PRKCG: variants seen among roughly 807,000 people sequenced by gnomAD.
The protein encoded by PRKCG is protein kinase C gamma type.
PRKCG carries 28 observed loss-of-function variants against 82.0 expected under a neutral mutation model. The observed-to-expected ratio is 0.34, with a 90% CI of 0.25 to 0.47. The LOEUF (loss-of-function observed/expected upper bound fraction) is 0.47, where lower values mean the gene tolerates loss of function less well. Among genes scored for constraint, PRKCG ranks in the 20% least tolerant of loss-of-function variants. The pLI, the probability that PRKCG is intolerant of heterozygous loss-of-function variation, is 1.00. For synonymous variants in PRKCG, 383 were observed against 376.6 expected (o/e 1.02, Z -0.20); for missense variants, 640 against 952.7 (o/e 0.67, Z 4.32).
chr19:53,891,768 G>A lies in PRKCG; in HGVS notation c.624G>A (p.Thr208=), dbSNP rs553245210. The change falls in exon 6 of 18, where the codon ACG becomes ACA. Residue 208 remains threonine (T), a synonymous_variant. Transcript: ENST00000263431. The part of the protein sequence containing the change: ...LKLIPDPRNL[T]KQKTRTVKAT... ...TCATCCCAGACCCTCGGAACCTGAC[G>A]AAACAGAAGACCCGAACGGTGAAAG... 1.3e-5 allele frequency: 21 copies of A among 1,614,086 alleles called. No individual in the cohort carries two copies. Among genetic ancestry groups the A allele is most frequent in the African/African-American group, 5.3e-5 (4 of 75,008 alleles).
rs766844154 is a variant in PRKCG, at chr19:53,882,260, G to C, written c.-235G>C. The C allele has an allele frequency of 1.7e-6, 1 of 584,590 alleles. No individual in the cohort carries two copies. The highest frequency in any genetic ancestry group is 3.0e-5 in the Admixed American group (1 of 33,866). 36.2% of individuals were successfully genotyped at this position (584,590 alleles called of 1,614,324 possible). A position where few individuals can be genotyped will look rare whatever the true frequency, so the allele number is the denominator to read the frequency against. The stretch of plus-strand genomic sequence containing the variant: ...GCCGCCCGTGCCTCCGGCTGCCGGC[G>C]CCCCTGCCTTTGGCTCTTCCTCCCC... On this transcript the variant is annotated 5_prime_UTR_variant, in exon 1 of 18. Coordinates refer to ENST00000263431, the MANE Select transcript of PRKCG (RefSeq NM_002739.5). The surrounding 1 kb of genome is among the most constrained non-coding windows in gnomAD (Gnocchi z 6.1).
Position 53,906,890 on chromosome 19 carries a change from A to G in PRKCG, c.2089A>G (p.Met697Val). The G allele has an allele frequency of 6.2e-7, 1 of 1,612,990 alleles. No homozygotes were observed. Among genetic ancestry groups the G allele is most frequent in the Admixed American group, 1.7e-5 (1 of 60,008 alleles). Residue 697 changes from methionine (M) to valine (V), a missense_variant, in exon 18 of 18, where the codon ATG becomes GTG. This residue lies in a region of PRKCG where 198 missense variants were observed against 273.4 expected (regional missense o/e 0.72). Transcript: ENST00000263431. ...CACCAGCCCAGTGCCTGTGCCCGTCATGTAATCTCACCCGCCGCCACTAGG... is the reference window on the plus strand; with the variant it reads ...CACCAGCCCAGTGCCTGTGCCCGTCGTGTAATCTCACCCGCCGCCACTAGG... ...SPTSPVPVPV[M>V]
At chr19:53,893,872 G>C (rs922280193) in intron 9 of PRKCG, among the ~76,000 whole-genome samples, 4 of 151,732 alleles carry the variant, frequency 2.6e-5, no homozygotes, top group African/African-American at 9.7e-5. Flanking sequence ...TCTTGCCTCA[G>C]CCTCCTGAGT....
chr19:53,894,391 A>G (rs768899020), intron 9 of PRKCG, among the ~76,000 whole-genome samples: 21 of 152,038 alleles, frequency 1.4e-4, no homozygotes, highest in Non-Finnish European at 2.8e-4. Context: ...AAAATCTATC[A>G]AGCATGATCA....
At chr19:53,898,997 G>T (rs1367531218) in intron 11 of PRKCG, among the ~76,000 whole-genome samples, 1 of 143,220 alleles carries the variant, frequency 7.0e-6, no homozygotes, top group Non-Finnish European at 1.5e-5. Flanking sequence ...AGAGGGGCGG[G>T]CTTTGTCAGG....
chr19:53,893,267 G>A (rs901119724), intron 8 of PRKCG, 95 bp from the exon 9 acceptor site: 22 of 1,418,708 alleles, frequency 1.6e-5, no homozygotes, highest in Non-Finnish European at 2.0e-5. Context: ...CCTATCTATC[G>A]CCATGGCTTG....
chr19:53,905,481 G>C (rs2068795313), intron 16 of PRKCG, among the ~76,000 whole-genome samples: 1 of 150,770 alleles, frequency 6.6e-6, no homozygotes, highest in South Asian at 2.1e-4. Context: ...CCTCCCTCTG[G>C]GTGTGTGTTT....
chr19:53,895,359 G>C (rs1415049664), intron 9 of PRKCG, among the ~76,000 whole-genome samples: 2 of 151,818 alleles, frequency 1.3e-5, no homozygotes, highest in Non-Finnish European at 2.9e-5. Context: ...CATGGTGGAG[G>C]CGCCTGTAAT....
intron 3 of PRKCG, among the ~76,000 whole-genome samples, chr19:53,887,956 C>T (rs576949256): frequency 2.0e-5 from 3 of 152,150 alleles, no homozygotes; most frequent in Admixed American, 6.5e-5. Context: ...AAGGGGCAGG[C>T]GTGGTGAGGC....
At chr19:53,901,574 C>T (rs1389556231) in intron 14 of PRKCG, among the ~76,000 whole-genome samples, 29 of 133,338 alleles carry the variant, frequency 2.2e-4, no homozygotes, top group Non-Finnish European at 3.2e-4. Context: ...AAAAAAAAGC[C>T]GGGTGCAGTG....
Position 53,892,232 on chromosome 19 carries a change from A to C in PRKCG, c.687-277A>C, listed in dbSNP as rs2068681660. ...ACCCAGAGAGGAGAGAAGGGTACAG[A>C]GACTCAGAGAGAGAGATCTCGAGAG... is the stretch of plus-strand genomic sequence containing the variant. On this transcript the variant is annotated intron_variant, in intron 6 of 17. Coordinates refer to ENST00000263431, the MANE Select transcript of PRKCG (RefSeq NM_002739.5). This position sits in a 1 kb window ranked among gnomAD's most constrained non-coding sequence, Gnocchi z 5.9. Among the ~76,000 whole-genome samples the C allele has an allele frequency of 6.6e-6, 1 of 152,138 alleles. No individual in the cohort carries two copies. Among genetic ancestry groups the C allele is most frequent in the East Asian group, 1.9e-4 (1 of 5,190 alleles).
Position 53,906,355 on chromosome 19 carries a change from G to A in PRKCG, c.1803G>A (p.Gly601=), listed in dbSNP as rs1021675378. ...ACCCAGGGAAGCGCCTGGGCTCAGG[G>A]CCTGATGGGGAACCTACCATCCGTG... ...TKHPGKRLGS[G]PDGEPTIRAH... The change falls in exon 17 of 18, where the codon GGG becomes GGA. Residue 601 remains glycine (G), a synonymous_variant. Transcript: ENST00000263431. The A allele has an allele frequency of 1.9e-6, 3 of 1,552,582 alleles. No individual in the cohort carries two copies. Among genetic ancestry groups the A allele is most frequent in the African/African-American group, 2.7e-5 (2 of 72,984 alleles).
chr19:53,892,452 GA>G lies in PRKCG; in HGVS notation c.687-55del. 1 of 1,582,616 alleles carries G rather than the reference GA, an allele frequency of 6.3e-7. No individual in the cohort carries two copies. The highest frequency in any genetic ancestry group is 8.5e-7 in the Non-Finnish European group (1 of 1,169,610). ...CCCCACCTCCAGCACCAAGGATGGG[GA>G]ACCGAGGGGAGCCATGAGCTCGGCT... is the stretch of plus-strand genomic sequence containing the variant. On this transcript the variant is annotated intron_variant, in intron 6 of 17. Coordinates refer to ENST00000263431, the MANE Select transcript of PRKCG (RefSeq NM_002739.5). The surrounding 1 kb of genome is among the most constrained non-coding windows in gnomAD (Gnocchi z 5.9).
Position 53,882,518 on chromosome 19 carries a change from A to T in PRKCG, c.24A>T (p.Val8=). MAGLGPG[V]GDSEGGPRPL... ...CCATGGCTGGTCTGGGCCCCGGCGTAGGCGATTCAGAGGGGGGACCCCGGC... is the reference window on the plus strand; with the variant it reads ...CCATGGCTGGTCTGGGCCCCGGCGTTGGCGATTCAGAGGGGGGACCCCGGC... Residue 8 remains valine (V), a synonymous_variant, in exon 1 of 18, where the codon GTA becomes GTT. Transcript: ENST00000263431. This position sits in a 1 kb window ranked among gnomAD's most constrained non-coding sequence, Gnocchi z 6.1. 1 of 1,613,986 alleles carries T rather than the reference A, an allele frequency of 6.2e-7. No individual in the cohort carries two copies. Among genetic ancestry groups the T allele is most frequent in the Non-Finnish European group, 8.5e-7 (1 of 1,179,942 alleles).
At chr19:53,903,809 A>T (rs1323661165) in intron 15 of PRKCG, among the ~76,000 whole-genome samples, 2 of 152,232 alleles carry the variant, frequency 1.3e-5, no homozygotes, top group Non-Finnish European at 2.9e-5. Flanking sequence ...TTAAAATTTA[A>T]TTGAATCTAA....
intron 3 of PRKCG, among the ~76,000 whole-genome samples, chr19:53,885,391 G>A (rs931724144): frequency 4.6e-5 from 7 of 151,942 alleles, no homozygotes; most frequent in Non-Finnish European, 8.8e-5. Context: ...ACCACACCCC[G>A]CTAATTTTTT....
chr19:53,898,014 C>T lies in PRKCG; in HGVS notation c.995C>T (p.Thr332Ile). 2.5e-6 allele frequency: 4 copies of T among 1,614,162 alleles called. No homozygotes were observed. The highest frequency in any genetic ancestry group is 3.4e-6 in the Non-Finnish European group (4 of 1,180,026). Residue 332 changes from threonine to isoleucine, a missense_variant, in exon 10 of 18, where the codon ACC becomes ATC. Transcript: ENST00000263431. ...ATCCCCTCCCCTTCCCCTAGTCCCA[C>T]CGACCCCAAGCGCTGCTTCTTCGGG... is the stretch of plus-strand genomic sequence containing the variant. ...SPIPSPSPSP[T>I]DPKRCFFGAS...
At chr19:53,904,862 A>G (rs2068790232) in intron 16 of PRKCG, 120 bp downstream of exon 16, 2 of 828,132 alleles carry the variant, frequency 2.4e-6, no homozygotes, top group Non-Finnish European at 4.1e-6. Flanking sequence ...TCTGTTGGAA[A>G]AGTTGATATG....
Position 53,906,788 on chromosome 19 carries a change from G to A in PRKCG, c.1987G>A (p.Ala663Thr). 1.2e-6 allele frequency: 2 copies of A among 1,613,688 alleles called. No homozygotes were observed. Among genetic ancestry groups the A allele is most frequent in the Non-Finnish European group, 1.7e-6 (2 of 1,180,012 alleles). Residue 663 changes from alanine (A) to threonine (T), a missense_variant, in exon 18 of 18, where the codon GCC becomes ACC. Ala to Thr is a moderately conservative substitution (Grantham distance 58). Transcript: ENST00000263431. ...ALTPPDRLVLASIDQADFQGF... is the reference protein window; with the variant it reads ...ALTPPDRLVLTSIDQADFQGF... Reference sequence around the variant, plus strand: ...GACCCCTCCAGACCGCCTAGTCCTGGCCAGCATCGACCAGGCCGATTTCCA... The same window carrying A: ...GACCCCTCCAGACCGCCTAGTCCTGACCAGCATCGACCAGGCCGATTTCCA...
Sources: allele counts gnomAD v4.1 joint callset (sites outside exome capture counted in the v4.1 genomes callset), GRCh38; gene constraint gnomAD v4.1.1; regional missense constraint gnomAD v4.1.1; non-coding constraint Gnocchi (gnomAD v3.1); transcripts MANE v1.5; gene names NCBI Gene and HGNC (gene_info 2026-07-23, HGNC 2026-07-21).